Variants in CDH22 observed in about 807,000 individuals in gnomAD.
The protein encoded by CDH22 is cadherin-22.
In CDH22, 30 loss-of-function variants were observed where a neutral mutation model predicts 58.4. The ratio of observed to expected loss-of-function variants is 0.51; its 90% confidence interval spans 0.38 to 0.70. The LOEUF (loss-of-function observed/expected upper bound fraction) is 0.70. CDH22 is among the 30% of genes least tolerant of loss of function. The pLI is 0.00. For missense variants in CDH22, 1,014 were observed against 1,233.9 expected (o/e 0.82, Z 2.67); for synonymous variants, 513 against 558.2 (o/e 0.92, Z 1.14).
At chr20:46,217,147 T>A (rs139779399) in intron 4 of CDH22, among the ~76,000 whole-genome samples, 154 bp from the exon 5 acceptor site, 29 of 152,176 alleles carry the variant, frequency 1.9e-4, no homozygotes, top group Non-Finnish European at 3.5e-4. Flanking sequence ...GTGTCCACCA[T>A]GTGGGACAGG....
intron 1 of CDH22, among the ~76,000 whole-genome samples, chr20:46,257,880 G>A (rs1259135365): frequency 6.6e-6 from 1 of 152,190 alleles, no homozygotes; most frequent in Non-Finnish European, 1.5e-5. Flanking sequence ...GGAGGAAACA[G>A]CAAGAGACTG....
chr20:46,274,998 T>C (rs980982055), intron 1 of CDH22, among the ~76,000 whole-genome samples: 14 of 152,222 alleles, frequency 9.2e-5, no homozygotes, highest in African/African-American at 3.4e-4. Flanking sequence ...GTGAAAGGAA[T>C]GTTCTGCAAC....
chr20:46,199,634 C>T, intron 7 of CDH22, 75 bp from the exon 8 acceptor site: 1 of 1,538,324 alleles, frequency 6.5e-7, no homozygotes, highest in Admixed American at 1.9e-5. Flanking sequence ...CTCCCAACCC[C>T]ACTCCAAGAG....
At chr20:46,186,732 C>T in intron 9 of CDH22, 27 bp from the exon 10 acceptor site, 1 of 1,609,748 alleles carries the variant, frequency 6.2e-7, no homozygotes, top group Non-Finnish European at 8.5e-7. Flanking sequence ...GGATAGAGGG[C>T]TAGTGGTGAG....
At chr20:46,190,938 G>C (rs2085858583) in intron 8 of CDH22, among the ~76,000 whole-genome samples, 1 of 152,172 alleles carries the variant, frequency 6.6e-6, no homozygotes, top group Non-Finnish European at 1.5e-5. Flanking sequence ...CTGGGCCTCA[G>C]AGTTTCTTCT....
chr20:46,265,163 A>G (rs1032257873), intron 1 of CDH22, among the ~76,000 whole-genome samples: 3 of 152,206 alleles, frequency 2.0e-5, no homozygotes, highest in Non-Finnish European at 2.9e-5. Context: ...TGATCAGGAC[A>G]AATTGAATAC....
chr20:46,285,556 T>C (rs1403237826), intron 1 of CDH22, among the ~76,000 whole-genome samples: 19 of 152,154 alleles, frequency 1.2e-4, no homozygotes, highest in Admixed American at 1.2e-3. Flanking sequence ...ATACACAAAA[T>C]AATTATCAAA....
chr20:46,262,463 G>C (rs1225173190), intron 1 of CDH22, among the ~76,000 whole-genome samples: 1 of 152,262 alleles, frequency 6.6e-6, no homozygotes, highest in Non-Finnish European at 1.5e-5. Flanking sequence ...ATGAAGCCTG[G>C]CTCAGTCTGG....
chr20:46,218,291 A>G (rs1207639474), intron 4 of CDH22, among the ~76,000 whole-genome samples: 1 of 152,186 alleles, frequency 6.6e-6, no homozygotes, highest in Admixed American at 6.5e-5. Flanking sequence ...ACACACAGAC[A>G]CAACACAAAA....
At chr20:46,181,657 TTC>T (rs1198971757) in intron 10 of CDH22, among the ~76,000 whole-genome samples, 2 of 142,386 alleles carry the variant, frequency 1.4e-5, no homozygotes, top group Admixed American at 1.4e-4. Flanking sequence ...CCTCCCTCCT[TTC>T]TCTCTTTTCT....
At chr20:46,291,910 G>A (rs903511780) in intron 1 of CDH22, among the ~76,000 whole-genome samples, 2 of 152,226 alleles carry the variant, frequency 1.3e-5, no homozygotes, top group East Asian at 1.9e-4. Flanking sequence ...CGTATTCTTG[G>A]CCTCTACCCA....
chr20:46,265,757 A>G (rs1021255362), intron 1 of CDH22, among the ~76,000 whole-genome samples: 10 of 149,318 alleles, frequency 6.7e-5, no homozygotes, highest in Non-Finnish European at 1.3e-4. Flanking sequence ...ATATACCGTG[A>G]CTTAGAAATC....
rs890008434 is a variant in CDH22 at position 46,240,601 on chromosome 20, A to G, written c.550+362T>C. ...TATGAATGAGGTTGTGTACCAGTGT[A>G]GTGGTGAGTTGTATGCGGGGCTGGG... is the stretch of plus-strand genomic sequence containing the variant. On this transcript the variant is annotated intron_variant, in intron 3 of 11. Transcript: ENST00000537909. Among the ~76,000 whole-genome samples the G allele has an allele frequency of 5.3e-5, 8 of 151,954 alleles. No individual in the cohort carries two copies. The East Asian group carries it at 1.2e-3, about 22-fold the overall frequency.
chr20:46,253,330 T>C (rs921997360), intron 1 of CDH22, among the ~76,000 whole-genome samples: 1 of 152,134 alleles, frequency 6.6e-6, no homozygotes, highest in African/African-American at 2.4e-5. Flanking sequence ...GGGGAGTCAT[T>C]GCTGGAAGGT....
intron 2 of CDH22, among the ~76,000 whole-genome samples, chr20:46,248,106 G>C (rs2082281370): frequency 6.6e-6 from 1 of 151,766 alleles, no homozygotes; most frequent in African/African-American, 2.4e-5. Context: ...GTGTAGACTT[G>C]GCATGATCTT....
In CDH22 at chr20:46,174,766, C is replaced by T; in HGVS notation, c.2227G>A (p.Asp743Asn). The T allele has an allele frequency of 6.5e-7, 1 of 1,535,930 alleles. No homozygotes were observed. Residue 743 changes from aspartate to asparagine, a missense_variant, in exon 12 of 12, where the codon GAC becomes AAC. Physicochemically the swap from Asp to Asn is conservative, Grantham distance 23 (BLOSUM62 1). Coordinates refer to ENST00000537909, the MANE Select transcript of CDH22 (RefSeq NM_021248.3). The surrounding 1 kb of genome is among the most constrained non-coding windows in gnomAD (Gnocchi z 4.4). ...LPQGPPSPEP[D>N]FSVFRDFISR... ...ATGAAGTCCCTGAACACTGAGAAGTCTGGCTCGGGGCTCGGCGGCCCCTGC... is the reference window on the plus strand; with the variant it reads ...ATGAAGTCCCTGAACACTGAGAAGTTTGGCTCGGGGCTCGGCGGCCCCTGC...
intron 6 of CDH22, among the ~76,000 whole-genome samples, chr20:46,211,153 C>G (rs2145688516): frequency 6.6e-6 from 1 of 152,270 alleles, no homozygotes; most frequent in Non-Finnish European, 1.5e-5. Flanking sequence ...GCCTGTGCTT[C>G]TTATCGGGGG....
At chr20:46,306,208 C>T (rs865823064) in intron 1 of CDH22, among the ~76,000 whole-genome samples, 6 of 152,258 alleles carry the variant, frequency 3.9e-5, no homozygotes, top group South Asian at 2.1e-4. Context: ...AGCCAAGAAA[C>T]GGCTCTGTTT....
chr20:46,308,446 CGAGA>C lies in CDH22; in HGVS notation c.-595_-592del, dbSNP rs1007450662. On this transcript the variant is annotated 5_prime_UTR_variant, in exon 1 of 12. Coordinates refer to ENST00000537909, the MANE Select transcript of CDH22 (RefSeq NM_021248.3). The surrounding 1 kb of genome is among the most constrained non-coding windows in gnomAD (Gnocchi z 4.3). ...GTGTGTGAGCGAGAGAGCGAGAGAG[CGAGA>C]GAGCGAGGGAGTGAGCGAGCGAGCG... 4 of 218,128 alleles carry C rather than the reference CGAGA, an allele frequency of 1.8e-5. No individual in the cohort carries two copies. Among genetic ancestry groups the C allele is most frequent in the Non-Finnish European group, 2.8e-5 (3 of 108,670 alleles). 13.5% of individuals were successfully genotyped at this position (218,128 alleles called of 1,614,324 possible). A position where few individuals can be genotyped will look rare whatever the true frequency, so the allele number is the denominator to read the frequency against.
Sources: gnomAD v4.1 joint callset for allele counts (sites outside exome capture counted in the v4.1 genomes callset) on GRCh38, gnomAD v4.1.1 for gene constraint, Gnocchi (gnomAD v3.1) non-coding constraint, MANE v1.5 for transcripts, NCBI Gene and HGNC (gene_info 2026-07-23, HGNC 2026-07-21) for gene names.